MACROD2: variants seen among roughly 807,000 people sequenced by gnomAD.
MACROD2 encodes mono-ADP ribosylhydrolase 2, also known as ADP-ribose glycohydrolase MACROD2.
MACROD2 carries 36 observed loss-of-function variants against 70.4 expected under a neutral mutation model. The observed-to-expected ratio is 0.51, with a 90% CI of 0.39 to 0.68. MACROD2 has a LOEUF of 0.68. Among genes scored for constraint, MACROD2 ranks in the 30% least tolerant of loss-of-function variants. The pLI is 0.00. For missense variants in MACROD2, 496 were observed against 538.4 expected, an observed-to-expected ratio of 0.92 and a Z score of 0.78; for synonymous variants, 172 against 178.8, an observed-to-expected ratio of 0.96 and a Z score of 0.30.
intron 5 of MACROD2, among the ~76,000 whole-genome samples, chr20:15,087,727 C>A (rs2075759487): frequency 6.6e-6 from 1 of 151,686 alleles, no homozygotes; most frequent in African/African-American, 2.4e-5. Flanking sequence ...TTTTTCATGG[C>A]AAATGTCAAT....
chr20:14,265,965 A>C (rs530290987), intron 3 of MACROD2, among the ~76,000 whole-genome samples: 9 of 152,070 alleles, frequency 5.9e-5, no homozygotes, highest in African/African-American at 2.2e-4. Flanking sequence ...TTTAGTAGAG[A>C]CGGGGTTTCA....
intron 5 of MACROD2, among the ~76,000 whole-genome samples, chr20:15,063,532 G>C: frequency 6.6e-6 from 1 of 152,296 alleles, no homozygotes; most frequent in Non-Finnish European, 1.5e-5. Flanking sequence ...TATTTTAAAT[G>C]ACGTTCCTCT....
intron 5 of MACROD2, among the ~76,000 whole-genome samples, chr20:14,907,785 A>C (rs1174578600): frequency 6.6e-6 from 1 of 152,160 alleles, no homozygotes; most frequent in African/African-American, 2.4e-5. Context: ...ATGTCCAACG[A>C]AAGAGTTTAG....
chr20:15,049,807 G>T (rs1000844418), intron 5 of MACROD2, among the ~76,000 whole-genome samples: 2 of 152,066 alleles, frequency 1.3e-5, no homozygotes, highest in Admixed American at 1.3e-4. Context: ...AATTAGCTGG[G>T]CATGGTGGCA....
intron 8 of MACROD2, among the ~76,000 whole-genome samples, chr20:15,640,237 A>G (rs1182493886): frequency 1.3e-5 from 2 of 152,154 alleles, no homozygotes; most frequent in Non-Finnish European, 2.9e-5. Context: ...AGGCAGATAC[A>G]GATGAAATGA....
At chr20:14,957,314 G>C (rs889121465) in intron 5 of MACROD2, among the ~76,000 whole-genome samples, 6 of 152,020 alleles carry the variant, frequency 3.9e-5, no homozygotes, top group African/African-American at 1.5e-4. Context: ...AATTGGAACT[G>C]TGTTTATGTA....
In MACROD2 at chr20:15,606,387, C is replaced by T. The variant is rs530800336; in HGVS notation, c.645+106540C>T. On this transcript the variant is annotated intron_variant, in intron 8 of 17. Coordinates refer to ENST00000684519, the MANE Select transcript of MACROD2 (RefSeq NM_001351661.2). ...CTTGCTTCTGCCTCCACCTGGGATG[C>T]TGTTTTTTTCTTCTTCAGTTGATTA... 2.0e-5 allele frequency among the ~76,000 whole-genome samples: 3 copies of T among 152,240 alleles called. No homozygotes were observed. In the South Asian group the frequency reaches 6.2e-4, roughly 32 times the overall value.
chr20:16,038,651 T>C (rs948091756), intron 15 of MACROD2, among the ~76,000 whole-genome samples: 1 of 151,902 alleles, frequency 6.6e-6, no homozygotes. Context: ...AATACATTAA[T>C]TGTTATTTAA....
intron 3 of MACROD2, among the ~76,000 whole-genome samples, chr20:14,435,571 C>G (rs927773679): frequency 6.6e-6 from 1 of 152,092 alleles, no homozygotes; most frequent in Admixed American, 6.6e-5. Context: ...TTGAGTACCC[C>G]TTATGCGTCA....
intron 5 of MACROD2, among the ~76,000 whole-genome samples, chr20:14,704,953 C>CT (rs1192541386): frequency 1.3e-5 from 2 of 151,710 alleles, no homozygotes; most frequent in African/African-American, 2.4e-5. Flanking sequence ...TCTTGTGTCT[C>CT]TCTTTTTTTT....
At chr20:14,185,535 G>A (rs969975113) in intron 3 of MACROD2, among the ~76,000 whole-genome samples, 2 of 152,096 alleles carry the variant, frequency 1.3e-5, no homozygotes, top group East Asian at 1.9e-4. Flanking sequence ...GCTGGATGCT[G>A]AGGATGGAAA....
chr20:15,920,107 G>A (rs550753670), intron 10 of MACROD2, among the ~76,000 whole-genome samples: 2 of 152,322 alleles, frequency 1.3e-5, no homozygotes, highest in African/African-American at 4.8e-5. Flanking sequence ...AATTGAAAAT[G>A]ACAGCTGATG....
At chr20:15,999,922 A>C (rs1270427013) in intron 15 of MACROD2, among the ~76,000 whole-genome samples, 1 of 152,180 alleles carries the variant, frequency 6.6e-6, no homozygotes, top group African/African-American at 2.4e-5. Context: ...CATGCCACGG[A>C]GTGTGGAGAC....
chr20:15,823,677 G>C (rs1329607900), intron 8 of MACROD2, among the ~76,000 whole-genome samples: 1 of 152,166 alleles, frequency 6.6e-6, no homozygotes, highest in Non-Finnish European at 1.5e-5. Context: ...TGCATCTTCA[G>C]TAACACTGCA....
intron 4 of MACROD2, among the ~76,000 whole-genome samples, chr20:14,653,446 C>T (rs1308839451): frequency 6.6e-6 from 1 of 151,738 alleles, no homozygotes; most frequent in African/African-American, 2.4e-5. Context: ...TCTCGATTTC[C>T]TGACCTCGTG....
chr20:14,796,652 A>G (rs966278052), intron 5 of MACROD2, among the ~76,000 whole-genome samples: 7 of 152,048 alleles, frequency 4.6e-5, no homozygotes, highest in African/African-American at 1.5e-4. Context: ...GGCAAAAAGC[A>G]TTACTTGGAA....
Position 15,933,333 on chromosome 20 carries a change from A to T in MACROD2, c.833A>T (p.Asp278Val). 6.2e-7 allele frequency: 1 copy of T among 1,613,208 alleles called. No individual in the cohort carries two copies. Among genetic ancestry groups the T allele is most frequent in the Non-Finnish European group, 8.5e-7 (1 of 1,179,450 alleles). Residue 278 changes from aspartate to valine, a missense_variant, in exon 11 of 18, where the codon GAT becomes GTT. Asp to Val is a radical substitution (Grantham distance 152, BLOSUM62 -3). Coordinates refer to ENST00000684519, the MANE Select transcript of MACROD2 (RefSeq NM_001351661.2). ...SVEEMEEQSQ[D>V]ADGVNTVTVP... Reference sequence around the variant, plus strand: ...GAAGAAATGGAAGAGCAGAGCCAAGATGCAGGTAGGCTCAGATTTCTTTTG... The same window carrying T: ...GAAGAAATGGAAGAGCAGAGCCAAGTTGCAGGTAGGCTCAGATTTCTTTTG...
intron 5 of MACROD2, among the ~76,000 whole-genome samples, chr20:15,034,056 A>G (rs16995234): frequency 1.3e-3 from 202 of 152,340 alleles, no homozygotes; most frequent in African/African-American, 4.7e-3. Context: ...ATATACAGGA[A>G]GATAAACTCG....
At chr20:15,792,987 G>A (rs968660405) in intron 8 of MACROD2, among the ~76,000 whole-genome samples, 4 of 152,042 alleles carry the variant, frequency 2.6e-5, no homozygotes, top group Admixed American at 6.6e-5. Flanking sequence ...AACATGAAGC[G>A]TATCTCTTAA....
Sources: gnomAD v4.1 joint callset for allele counts (sites outside exome capture counted in the v4.1 genomes callset) on GRCh38, gnomAD v4.1.1 for gene constraint, MANE v1.5 for transcripts, NCBI Gene and HGNC (gene_info 2026-07-23, HGNC 2026-07-21) for gene names.